ALG5: variants seen among roughly 807,000 people sequenced by gnomAD.
ALG5 encodes the protein dolichyl-phosphate beta-glucosyltransferase.
A neutral mutation model predicts 51.8 loss-of-function variants in ALG5; 26 were observed. That is an observed-to-expected ratio of 0.50 (90% confidence interval 0.37 to 0.70). The LOEUF (loss-of-function observed/expected upper bound fraction) is 0.70. Ranked by LOEUF, ALG5 falls within the 30% of genes least tolerant of loss-of-function variation. The probability of loss-of-function intolerance (pLI) is 0.00; values close to 1 mark genes in which losing one functional copy is unlikely to be tolerated. For synonymous variants in ALG5, 141 were observed against 136.1 expected (o/e 1.04, Z -0.25); for missense variants, 311 against 399.3 (o/e 0.78, Z 1.88).
chr13:36,958,035 A>G (rs2058848521), intron 8 of ALG5, among the ~76,000 whole-genome samples: 1 of 152,138 alleles, frequency 6.6e-6, no homozygotes, highest in Admixed American at 6.6e-5. Flanking sequence ...AAAATCCAGG[A>G]GACAACGCTA....
intron 7 of ALG5, among the ~76,000 whole-genome samples, chr13:36,971,372 C>T (rs948934846): frequency 6.6e-6 from 1 of 152,032 alleles, no homozygotes; most frequent in East Asian, 1.9e-4. Flanking sequence ...TTAGGCTGGG[C>T]GCAGTAGCTC....
chr13:36,967,765 TA>T, intron 7 of ALG5: 1 of 1,188,134 alleles, frequency 8.4e-7, no homozygotes. Context: ...ATACTTCCAA[TA>T]AATACTGGTT....
rs1192580008 is a variant in ALG5, at chr13:36,949,941, C to A, written c.*1G>T. The A allele has an allele frequency of 6.2e-7, 1 of 1,601,568 alleles. No homozygotes were observed. Among genetic ancestry groups the A allele is most frequent in the Non-Finnish European group, 8.5e-7 (1 of 1,171,414 alleles). On this transcript the variant is annotated 3_prime_UTR_variant, in exon 10 of 10. Coordinates refer to ENST00000239891, the MANE Select transcript of ALG5 (RefSeq NM_013338.5). Reference sequence around the variant, plus strand: ...GAACACAACTGAAGACTGCAAACAACCTAATTCATTTTCCGAGTTTGCTCA... The same window carrying A: ...GAACACAACTGAAGACTGCAAACAAACTAATTCATTTTCCGAGTTTGCTCA...
At chr13:36,957,468 G>C (rs751231915) in intron 8 of ALG5, among the ~76,000 whole-genome samples, 13 of 152,072 alleles carry the variant, frequency 8.5e-5, no homozygotes, top group Non-Finnish European at 1.8e-4. Context: ...CCGCTTTCAA[G>C]GCTGCGGTAA....
In ALG5 at chr13:36,999,336, T is replaced by G. The variant is rs1226279478; in HGVS notation, c.-36A>C. 1 of 1,535,310 alleles carries G rather than the reference T, an allele frequency of 6.5e-7. No homozygotes were observed. Among genetic ancestry groups the G allele is most frequent in the African/African-American group, 1.4e-5 (1 of 69,882 alleles). On this transcript the variant is annotated 5_prime_UTR_variant, in exon 1 of 10. Coordinates refer to ENST00000239891, the MANE Select transcript of ALG5 (RefSeq NM_013338.5). ...GTGGCAGCCCGCCCAATCCCGCACC[T>G]CCACACAGGCGGAAGCGCGCCCGCG...
chr13:36,968,779 C>A (rs4943438), intron 7 of ALG5, among the ~76,000 whole-genome samples: 55 of 152,158 alleles, frequency 3.6e-4, no homozygotes, highest in Admixed American at 1.8e-3. Context: ...TGACAGCACA[C>A]GAAGGGAAAT....
chr13:36,957,741 A>C (rs1398111731), intron 8 of ALG5, among the ~76,000 whole-genome samples: 2 of 152,144 alleles, frequency 1.3e-5, no homozygotes, highest in African/African-American at 4.8e-5. Context: ...TGCTTGACCA[A>C]GAGACGGCCA....
chr13:36,977,815 C>CA (rs1196106688), intron 6 of ALG5, among the ~76,000 whole-genome samples: 10 of 96,726 alleles, frequency 1.0e-4, no homozygotes, highest in African/African-American at 3.5e-4. Context: ...AAAAAAAAAA[C>CA]AAAAACGGTG....
At chr13:36,979,722 C>G (rs748404536) in intron 6 of ALG5, among the ~76,000 whole-genome samples, 4 of 152,060 alleles carry the variant, frequency 2.6e-5, no homozygotes, top group Non-Finnish European at 5.9e-5. Flanking sequence ...GCTTAAAAAA[C>G]TAAAAACTCA....
chr13:36,970,370 T>C (rs991910014), intron 7 of ALG5, among the ~76,000 whole-genome samples: 66 of 152,178 alleles, frequency 4.3e-4, no homozygotes, highest in African/African-American at 1.5e-3. Flanking sequence ...TCCCAGCACT[T>C]TGGGAGGCCA....
chr13:36,956,581 G>A (rs1185788967), intron 8 of ALG5, among the ~76,000 whole-genome samples: 5 of 152,146 alleles, frequency 3.3e-5, no homozygotes, highest in Non-Finnish European at 5.9e-5. Flanking sequence ...TCAACCTAAG[G>A]GTCTGTCAAC....
intron 6 of ALG5, among the ~76,000 whole-genome samples, chr13:36,977,739 C>CTGAGATCA (rs1478054245): frequency 8.7e-6 from 1 of 114,848 alleles, no homozygotes; most frequent in African/African-American, 3.4e-5. Context: ...TTGCAGTGAG[C>CTGAGATCA]TGAGATCATG....
rs779796098 is a variant in ALG5 at position 36,985,740 on chromosome 13, C to T, written c.448G>A (p.Gly150Ser). Residue 150 changes from glycine (G) to serine (S), a missense_variant and splice_region_variant, in exon 6 of 10, where the codon GGT (glycine) becomes AGT (serine). Gly to Ser is a moderately conservative substitution (Grantham distance 56). Transcript: ENST00000239891. ...NRGKGGAIRMGIFSSRGEKIL... is the reference protein window; with the variant it reads ...NRGKGGAIRMSIFSSRGEKIL... ...TTTTCTCCTCGAGAACTGAATATAC[C>T]CTGTATTTTAAAATTTCAAGTCAAA... 1 of 1,596,092 alleles carries T rather than the reference C, an allele frequency of 6.3e-7. No individual in the cohort carries two copies.
intron 6 of ALG5, among the ~76,000 whole-genome samples, chr13:36,980,626 C>T (rs2058975339): frequency 6.6e-6 from 1 of 152,062 alleles, no homozygotes; most frequent in African/African-American, 2.4e-5. Flanking sequence ...GAGAGGAAAG[C>T]TTTGCATATT....
intron 8 of ALG5, among the ~76,000 whole-genome samples, chr13:36,956,221 T>C (rs939389209): frequency 1.3e-5 from 2 of 152,194 alleles, no homozygotes; most frequent in African/African-American, 2.4e-5. Context: ...AAAGATGACA[T>C]ACAGATGGCC....
intron 7 of ALG5, among the ~76,000 whole-genome samples, chr13:36,966,311 T>C (rs1309092842): frequency 6.6e-6 from 1 of 152,218 alleles, no homozygotes; most frequent in African/African-American, 2.4e-5. Context: ...ACTTTGGATA[T>C]TAAGATTAAG....
At chr13:36,993,765 AG>A (rs939513153) in intron 3 of ALG5, 93 bp from the exon 4 acceptor site, 10 of 956,160 alleles carry the variant, frequency 1.0e-5, no homozygotes, top group African/African-American at 1.6e-5. Context: ...CAACTGCTTT[AG>A]TGTTGATACA....
At chr13:36,980,346 T>C (rs2058974168) in intron 6 of ALG5, among the ~76,000 whole-genome samples, 1 of 152,116 alleles carries the variant, frequency 6.6e-6, no homozygotes, top group African/African-American at 2.4e-5. Flanking sequence ...GTGATTCTCA[T>C]GCCTCAGCTT....
At chr13:36,987,514 C>T (rs768215585) in intron 5 of ALG5, among the ~76,000 whole-genome samples, 16 of 152,160 alleles carry the variant, frequency 1.1e-4, no homozygotes, top group East Asian at 1.9e-4. Flanking sequence ...CCACCGTGCC[C>T]GCTAACTTGC....
Sources: gnomAD v4.1 joint callset for allele counts (sites outside exome capture counted in the v4.1 genomes callset) on GRCh38, gnomAD v4.1.1 for gene constraint, MANE v1.5 for transcripts, NCBI Gene and HGNC (gene_info 2026-07-23, HGNC 2026-07-21) for gene names.